SMOX: variants seen among roughly 807,000 people sequenced by gnomAD.
The protein encoded by SMOX is flavin containing amine oxidase.
Under a neutral mutation model 51.0 loss-of-function variants are expected in SMOX, and 22 were observed. That is an observed-to-expected ratio of 0.43 (90% CI 0.31 to 0.62). SMOX has a LOEUF of 0.62. SMOX is among the 20% of genes least tolerant of loss of function. The probability of loss-of-function intolerance (pLI) is 0.10; values close to 1 mark genes in which losing one functional copy is unlikely to be tolerated. For synonymous variants in SMOX, 282 were observed against 307.8 expected (o/e 0.92, Z 0.88); for missense variants, 566 against 777.7 (o/e 0.73, Z 3.24).
At chr20:4,157,963 C>A (rs544018291) in intron 1 of SMOX, among the ~76,000 whole-genome samples, 1 of 152,022 alleles carries the variant, frequency 6.6e-6, no homozygotes, top group Non-Finnish European at 1.5e-5. Context: ...TGCAGCGGCG[C>A]GATCTCGGCT....
chr20:4,161,855 C>T (rs1986340192), intron 1 of SMOX, among the ~76,000 whole-genome samples: 1 of 152,248 alleles, frequency 6.6e-6, no homozygotes, highest in Non-Finnish European at 1.5e-5. Context: ...CCCTGCTACT[C>T]CCGTCCCTGC....
At chr20:4,157,083 G>A (rs1986051160) in intron 1 of SMOX, among the ~76,000 whole-genome samples, 1 of 152,066 alleles carries the variant, frequency 6.6e-6, no homozygotes, top group Non-Finnish European at 1.5e-5. Flanking sequence ...TATACCTCCC[G>A]GGCATTTCCT....
intron 1 of SMOX, among the ~76,000 whole-genome samples, chr20:4,154,262 G>C (rs983575216): frequency 2.0e-5 from 3 of 152,190 alleles, no homozygotes; most frequent in Non-Finnish European, 4.4e-5. Flanking sequence ...GTCTATAAAA[G>C]TGCTTTTCAA....
rs201219336 is a variant in SMOX, at chr20:4,183,554, A to T, written c.1430A>T (p.Tyr477Phe). Residue 477 changes from tyrosine (Y) to phenylalanine (F), a missense_variant, in exon 6 of 7, where the codon TAC (tyrosine) becomes TTC (phenylalanine). Tyr to Phe is a conservative substitution (Grantham distance 22, BLOSUM62 3). Around this residue, in one of 3 missense-constraint regions of SMOX, gnomAD observed 347 missense variants for 481.8 expected, o/e 0.72. Transcript: ENST00000305958. The surrounding 1 kb of genome is among the most constrained non-coding windows in gnomAD (Gnocchi z 4.3). The part of the protein sequence containing the change: ...ILRSAWGSNP[Y>F]FRGSYSYTQV... Reference sequence around the variant, plus strand: ...CGCTCGGCCTGGGGCAGCAACCCTTACTTCCGCGGCTCCTATTCATACACG... The same window carrying T: ...CGCTCGGCCTGGGGCAGCAACCCTTTCTTCCGCGGCTCCTATTCATACACG... The T allele has an allele frequency of 2.3e-5, 37 of 1,613,984 alleles. No homozygotes were observed. The highest frequency in any genetic ancestry group is 8.3e-5 in the Admixed American group (5 of 60,000).
At position 4,183,314 on chromosome 20, in the gene SMOX, TG is replaced by T; in HGVS notation, c.1370-177del. On this transcript the variant is annotated intron_variant, in intron 5 of 6. Transcript: ENST00000305958. The surrounding 1 kb of genome is among the most constrained non-coding windows in gnomAD (Gnocchi z 4.3). The stretch of plus-strand genomic sequence containing the variant: ...GCCGGGGGTCACAGGAGGCGCTGAG[TG>T]GGTACACAGCTCGAGCCCCAGCCTC... 2 of 812,146 alleles carry T rather than the reference TG, an allele frequency of 2.5e-6. No homozygotes were observed. Among genetic ancestry groups the T allele is most frequent in the Non-Finnish European group, 3.9e-6 (2 of 509,040 alleles). The allele number at this position is 812,146 out of a possible 1,614,324, so 50.3% of individuals were successfully genotyped here.
chr20:4,152,040 T>A (rs1568727640), intron 1 of SMOX, among the ~76,000 whole-genome samples: 1 of 152,212 alleles, frequency 6.6e-6, no homozygotes, highest in Non-Finnish European at 1.5e-5. Flanking sequence ...CTGTGCAGAT[T>A]GCTGCAAGAA....
At chr20:4,161,646 C>T (rs181988192) in intron 1 of SMOX, among the ~76,000 whole-genome samples, 174 of 152,300 alleles carry the variant, frequency 1.1e-3, no homozygotes, top group African/African-American at 3.8e-3. Context: ...CCTCCTCTGC[C>T]GCAGAGTTGC....
chr20:4,155,054 G>A (rs1056876635), intron 1 of SMOX, among the ~76,000 whole-genome samples: 4 of 152,134 alleles, frequency 2.6e-5, no homozygotes, highest in African/African-American at 7.2e-5. Flanking sequence ...TTGGGTGACT[G>A]TATCCCGGGG....
chr20:4,177,587 G>A lies in SMOX; in HGVS notation c.435+10G>A. ...CGATTTATACAACGAGGTAAGGTGT[G>A]AGCAGAGTAGCTGGGCGTAAGGGCA... On this transcript the variant is annotated intron_variant, in intron 3 of 6. Transcript: ENST00000305958. This position sits in a 1 kb window ranked among gnomAD's most constrained non-coding sequence, Gnocchi z 4.3. 1 of 1,572,940 alleles carries A rather than the reference G, an allele frequency of 6.4e-7. No individual in the cohort carries two copies. Among genetic ancestry groups the A allele is most frequent in the Non-Finnish European group, 8.6e-7 (1 of 1,157,780 alleles).
Position 4,177,498 on chromosome 20 carries a change from G to T in SMOX, c.356G>T (p.Gly119Val). 6.3e-7 allele frequency: 1 copy of T among 1,590,234 alleles called. No individual in the cohort carries two copies. The highest frequency in any genetic ancestry group is 8.6e-7 in the Non-Finnish European group (1 of 1,167,090). Residue 119 changes from glycine to valine, a missense_variant, in exon 3 of 7, where the codon GGC (glycine) becomes GTC (valine). Coordinates refer to ENST00000305958, the MANE Select transcript of SMOX (RefSeq NM_175839.3). The surrounding 1 kb of genome is among the most constrained non-coding windows in gnomAD (Gnocchi z 4.3). ...CGCATCAGCCTCTATTCCAAGAATG[G>T]CGTGGCCTGCTACCTTACCAACCAC... ...VGRISLYSKN[G>V]VACYLTNHGR...
chr20:4,158,114 A>T lies in SMOX; in HGVS notation c.-27+9137A>T, dbSNP rs926366412. Among the ~76,000 whole-genome samples, 3 of 149,918 alleles carry T rather than the reference A, an allele frequency of 2.0e-5. 1 individual carries two copies. Among genetic ancestry groups the T allele is most frequent in the Non-Finnish European group, 4.5e-5 (3 of 67,352 alleles). The stretch of plus-strand genomic sequence containing the variant: ...ATGGTGTTTCACCTTGTTAGCCAGG[A>T]TGGTCTCGATCTCCTGACCTCGTGA... On this transcript the variant is annotated intron_variant, in intron 1 of 6. Transcript: ENST00000305958.
chr20:4,166,382 C>G lies in SMOX; in HGVS notation c.-26-8648C>G, dbSNP rs1419219208. On this transcript the variant is annotated intron_variant, in intron 1 of 6. Coordinates refer to ENST00000305958, the MANE Select transcript of SMOX (RefSeq NM_175839.3). The surrounding 1 kb of genome is among the most constrained non-coding windows in gnomAD (Gnocchi z 4.2). The stretch of plus-strand genomic sequence containing the variant: ...CTTTTTTTTGAGACAAGGTCTTGCT[C>G]TGTCTCCCAGGCTGGAGTGCAGTGG... Among the ~76,000 whole-genome samples the G allele has an allele frequency of 1.3e-5, 2 of 152,162 alleles. No homozygotes were observed. Among genetic ancestry groups the G allele is most frequent in the Non-Finnish European group, 2.9e-5 (2 of 68,024 alleles).
At chr20:4,159,096 A>G (rs1296350357) in intron 1 of SMOX, among the ~76,000 whole-genome samples, 1 of 152,018 alleles carries the variant, frequency 6.6e-6, no homozygotes, top group African/African-American at 2.4e-5. Context: ...TAACTCAAGG[A>G]AAGATAATGA....
intron 1 of SMOX, among the ~76,000 whole-genome samples, chr20:4,151,711 G>C (rs1271713375): frequency 6.6e-6 from 1 of 152,082 alleles, no homozygotes; most frequent in African/African-American, 2.4e-5. Flanking sequence ...CCCAGTCTTG[G>C]GAAGTCCCCC....
rs539884983 is a variant in SMOX at position 4,166,406 on chromosome 20, G to A, written c.-26-8624G>A. On this transcript the variant is annotated intron_variant, in intron 1 of 6. Transcript: ENST00000305958. This position sits in a 1 kb window ranked among gnomAD's most constrained non-coding sequence, Gnocchi z 4.2. ...TCTGTCTCCCAGGCTGGAGTGCAGT[G>A]GTGTGATCATGGTTCACTGTAGCCT... is the stretch of plus-strand genomic sequence containing the variant. Among the ~76,000 whole-genome samples, 1 of 152,218 alleles carries A rather than the reference G, an allele frequency of 6.6e-6. No homozygotes were observed. Among genetic ancestry groups the A allele is most frequent in the Admixed American group, 6.5e-5 (1 of 15,278 alleles).
At position 4,182,507 on chromosome 20, in the gene SMOX, G is replaced by A; in HGVS notation, c.1028G>A (p.Ser343Asn). The A allele has an allele frequency of 6.2e-7, 1 of 1,609,004 alleles. No homozygotes were observed. The highest frequency in any genetic ancestry group is 2.2e-5 in the East Asian group (1 of 44,806). Residue 343 changes from serine (S) to asparagine (N), a missense_variant, in exon 5 of 7, where the codon AGT (serine) becomes AAT (asparagine). Around this residue, in one of 3 missense-constraint regions of SMOX, gnomAD observed 347 missense variants for 481.8 expected, o/e 0.72. Coordinates refer to ENST00000305958, the MANE Select transcript of SMOX (RefSeq NM_175839.3). The surrounding 1 kb of genome is among the most constrained non-coding windows in gnomAD (Gnocchi z 8.4). ...GGTGTGCTAAAGAGGCAGTACACCA[G>A]TTTCTTCCGGCCAGGCCTGCCCACA... is the stretch of plus-strand genomic sequence containing the variant. ...SLGVLKRQYT[S>N]FFRPGLPTEK...
chr20:4,175,897 G>A (rs994533719), intron 2 of SMOX: 7 of 147,728 alleles, frequency 4.7e-5, no homozygotes, highest in Admixed American at 2.7e-4. Context: ...AACTGGCGGG[G>A]GAGGGGGTGG....
chr20:4,186,477 G>A lies in SMOX; in HGVS notation c.1531-793G>A, dbSNP rs1380750072. Reference sequence around the variant, plus strand: ...GCTTTCTCAAGGCCGAGCCCTGGCTGTACCAAAATTCTCACTGTCCCCCGA... The same window carrying A: ...GCTTTCTCAAGGCCGAGCCCTGGCTATACCAAAATTCTCACTGTCCCCCGA... On this transcript the variant is annotated intron_variant, in intron 6 of 6. Coordinates refer to ENST00000305958, the MANE Select transcript of SMOX (RefSeq NM_175839.3). Among the ~76,000 whole-genome samples, 8 of 152,294 alleles carry A rather than the reference G, an allele frequency of 5.3e-5. No homozygotes were observed. In the South Asian group the frequency reaches 8.3e-4, roughly 16 times the overall value.
chr20:4,186,688 C>G, intron 6 of SMOX: 2 of 773,358 alleles, frequency 2.6e-6, no homozygotes, highest in East Asian at 2.4e-5. Flanking sequence ...AACACCCATT[C>G]CATCACATAT....
Sources: gnomAD v4.1 joint callset for allele counts (sites outside exome capture counted in the v4.1 genomes callset) on GRCh38, gnomAD v4.1.1 for gene constraint, gnomAD v4.1.1 regional missense constraint, Gnocchi (gnomAD v3.1) non-coding constraint, MANE v1.5 for transcripts, NCBI Gene and HGNC (gene_info 2026-07-23, HGNC 2026-07-21) for gene names.